DIPK1A: variants seen among roughly 807,000 people sequenced by gnomAD.
DIPK1A encodes the protein divergent protein kinase domain 1A.
A neutral mutation model predicts 40.8 loss-of-function variants in DIPK1A; 27 were observed. The ratio of observed to expected loss-of-function variants is 0.66; its 90% CI spans 0.49 to 0.91. The LOEUF is 0.91. Among genes scored for constraint, DIPK1A ranks in the 40% least tolerant of loss-of-function variants. The pLI is 0.00. For missense variants in DIPK1A, 412 were observed against 505.7 expected (o/e 0.81, Z 1.78); for synonymous variants, 166 against 171.3 (o/e 0.97, Z 0.24).
intron 1 of DIPK1A, among the ~76,000 whole-genome samples, chr1:92,908,455 A>C (rs1471784711): frequency 6.6e-6 from 1 of 152,202 alleles, no homozygotes; most frequent in African/African-American, 2.4e-5. Flanking sequence ...GAGAGTGGTC[A>C]ATGGTGTCAA....
At chr1:92,902,572 C>G (rs1225091436) in intron 1 of DIPK1A, among the ~76,000 whole-genome samples, 1 of 152,184 alleles carries the variant, frequency 6.6e-6, no homozygotes, top group African/African-American at 2.4e-5. Context: ...TAGGTGGCTC[C>G]CTCAGCTGGC....
intron 1 of DIPK1A, among the ~76,000 whole-genome samples, chr1:92,886,322 C>A (rs1290557892): frequency 4.0e-5 from 6 of 151,802 alleles, no homozygotes; most frequent in Non-Finnish European, 1.5e-5. Flanking sequence ...CAGAGCATGA[C>A]CCTGTCTAAA....
At chr1:92,936,843 A>C (rs1239449661) in intron 1 of DIPK1A, among the ~76,000 whole-genome samples, 1 of 152,158 alleles carries the variant, frequency 6.6e-6, no homozygotes, top group East Asian at 1.9e-4. Context: ...CTTTGGTGAA[A>C]ACTGTAAATC....
At chr1:92,842,077 T>G, downstream of DIPK1A, 1 of 807,984 alleles carries the variant, frequency 1.2e-6, no homozygotes. Context: ...GCTTCTGTTT[T>G]ACCTGACAGG....
downstream of DIPK1A, chr1:92,841,757 C>A (rs748765097): frequency 8.5e-5 from 135 of 1,590,376 alleles, 2 homozygotes; most frequent in South Asian, 1.5e-3. Context: ...ATATTCCTAT[C>A]TTTTGTAGGT....
chr1:92,939,513 A>G (rs1651071116), intron 1 of DIPK1A, among the ~76,000 whole-genome samples: 1 of 152,198 alleles, frequency 6.6e-6, no homozygotes, highest in African/African-American at 2.4e-5. Context: ...CATTAGCAAG[A>G]CTAAAATACC....
chr1:92,898,441 T>C (rs950544633), intron 1 of DIPK1A, among the ~76,000 whole-genome samples: 16 of 152,044 alleles, frequency 1.1e-4, no homozygotes, highest in African/African-American at 3.6e-4. Flanking sequence ...TCTCCAATAA[T>C]GGGGATTACA....
At chr1:92,916,749 A>G (rs1479340267) in intron 1 of DIPK1A, among the ~76,000 whole-genome samples, 2 of 152,214 alleles carry the variant, frequency 1.3e-5, no homozygotes, top group African/African-American at 4.8e-5. Flanking sequence ...AGTCTCTAAG[A>G]AAGTAGAGGT....
At chr1:92,837,386 CTAAAG>C, downstream of DIPK1A, 1 of 1,345,650 alleles carries the variant, frequency 7.4e-7, no homozygotes, top group South Asian at 1.2e-5. Flanking sequence ...ATGGCAGCTA[CTAAAG>C]TAAATTCTTA....
intron 1 of DIPK1A, among the ~76,000 whole-genome samples, chr1:92,894,707 A>G (rs1649077440): frequency 6.6e-6 from 1 of 152,156 alleles, no homozygotes; most frequent in Non-Finnish European, 1.5e-5. Flanking sequence ...AATTCAATGA[A>G]TCCAGGAGCT....
chr1:92,927,163 A>C (rs1650546808), intron 1 of DIPK1A, among the ~76,000 whole-genome samples: 1 of 152,066 alleles, frequency 6.6e-6, no homozygotes, highest in Admixed American at 6.6e-5. Context: ...CACCCATTTA[A>C]AGTATAGAAT....
chr1:92,959,151 T>C (rs1474901953), intron 1 of DIPK1A, among the ~76,000 whole-genome samples: 1 of 151,988 alleles, frequency 6.6e-6, no homozygotes, highest in East Asian at 1.9e-4. Flanking sequence ...CTGGGCATGG[T>C]GGTGTGCGCC....
chr1:92,924,512 A>G (rs1650408161), intron 1 of DIPK1A, among the ~76,000 whole-genome samples: 1 of 152,124 alleles, frequency 6.6e-6, no homozygotes, highest in Non-Finnish European at 1.5e-5. Context: ...AAGACAAAAC[A>G]GTATATTTGG....
At position 92,867,372 on chromosome 1, in the gene DIPK1A, T is replaced by C. The variant is rs547472873; in HGVS notation, c.189+8924A>G. Among the ~76,000 whole-genome samples, 9 of 152,238 alleles carry C rather than the reference T, an allele frequency of 5.9e-5. No individual in the cohort carries two copies. The South Asian group carries it at 1.2e-3, about 21-fold the overall frequency. ...CCTGGCCCTTTTACTCCAATTCTTA[T>C]GCTCTTAACTACTGCAATGGATGGG... On this transcript the variant is annotated intron_variant, in intron 2 of 4. Transcript: ENST00000370310.
intron 1 of DIPK1A, among the ~76,000 whole-genome samples, chr1:92,907,521 C>T (rs1649671696): frequency 2.0e-5 from 3 of 151,598 alleles, no homozygotes; most frequent in African/African-American, 2.4e-5. Flanking sequence ...CTTATTACAA[C>T]CTTGAACTCC....
intron 3 of DIPK1A, among the ~76,000 whole-genome samples, chr1:92,849,182 T>C (rs1687726868): frequency 6.6e-6 from 1 of 152,190 alleles, no homozygotes; most frequent in Admixed American, 6.6e-5. Flanking sequence ...CACCATCCCT[T>C]ACACTGCATT....
At chr1:92,917,040 C>T (rs1650081624) in intron 1 of DIPK1A, among the ~76,000 whole-genome samples, 2 of 152,160 alleles carry the variant, frequency 1.3e-5, no homozygotes, top group African/African-American at 4.8e-5. Flanking sequence ...AATCAGTGTA[C>T]ATATAATTGT....
intron 2 of DIPK1A, among the ~76,000 whole-genome samples, chr1:92,872,764 T>C (rs772774032): frequency 6.6e-6 from 1 of 152,226 alleles, no homozygotes; most frequent in Non-Finnish European, 1.5e-5. Context: ...TATAGCCCTC[T>C]AGGATTTTTA....
At chr1:92,942,152 TCAAAAA>T (rs1329246527) in intron 1 of DIPK1A, among the ~76,000 whole-genome samples, 1 of 152,174 alleles carries the variant, frequency 6.6e-6, no homozygotes, top group African/African-American at 2.4e-5. Context: ...AAGGAAGAAC[TCAAAAA>T]CTAAGAATCA....
Sources: allele counts gnomAD v4.1 joint callset (sites outside exome capture counted in the v4.1 genomes callset), GRCh38; gene constraint gnomAD v4.1.1; transcripts MANE v1.5; gene names NCBI Gene and HGNC (gene_info 2026-07-23, HGNC 2026-07-21).